NUBPL: variants seen among roughly 807,000 people sequenced by gnomAD.
The protein encoded by NUBPL is iron-sulfur cluster transfer protein NUBPL.
Under a neutral mutation model 45.7 loss-of-function variants are expected in NUBPL, and 31 were observed. The ratio of observed to expected loss-of-function variants is 0.68; its 90% confidence interval spans 0.51 to 0.92. The LOEUF (loss-of-function observed/expected upper bound fraction) is 0.92. Among genes scored for constraint, NUBPL ranks in the 40% least tolerant of loss-of-function variants. NUBPL has a pLI of 0.00. For synonymous variants in NUBPL, 144 were observed against 140.9 expected, an observed-to-expected ratio of 1.02 and a Z score of -0.15; for missense variants, 401 against 398.7, an observed-to-expected ratio of 1.01 and a Z score of -0.05.
At chr14:31,622,803 G>T (rs2035100801) in intron 4 of NUBPL, among the ~76,000 whole-genome samples, 1 of 152,256 alleles carries the variant, frequency 6.6e-6, no homozygotes, top group Non-Finnish European at 1.5e-5. Flanking sequence ...TGCAGGGGCA[G>T]AGCCCCCATG....
rs992848340 is a variant in NUBPL, at chr14:31,860,663, A to G, written c.*1483A>G. ...ATTAGGCATAGAGTTTCACATTATT[A>G]TAAGCATGTTTTCACACAAAAACAT... On this transcript the variant is annotated 3_prime_UTR_variant, in exon 11 of 11. Coordinates refer to ENST00000281081, the MANE Select transcript of NUBPL (RefSeq NM_025152.3). 2 of 152,182 alleles carry G rather than the reference A, an allele frequency of 1.3e-5. No individual in the cohort carries two copies. Among genetic ancestry groups the G allele is most frequent in the African/African-American group, 4.8e-5 (2 of 41,432 alleles). 9.4% of individuals were successfully genotyped at this position (152,182 alleles called of 1,614,324 possible).
chr14:31,792,455 T>C (rs938777876), intron 7 of NUBPL, among the ~76,000 whole-genome samples: 3 of 144,096 alleles, frequency 2.1e-5, no homozygotes, highest in African/African-American at 7.8e-5. Context: ...AAGTGATTCT[T>C]GAAGAGACCA....
At chr14:31,695,889 T>C (rs573902861) in intron 6 of NUBPL, among the ~76,000 whole-genome samples, 2 of 152,374 alleles carry the variant, frequency 1.3e-5, no homozygotes, top group East Asian at 3.9e-4. Flanking sequence ...GTCACTGTTA[T>C]TACTTCACTA....
chr14:31,641,258 T>C (rs2035689309), intron 4 of NUBPL, among the ~76,000 whole-genome samples: 1 of 152,308 alleles, frequency 6.6e-6, no homozygotes, highest in South Asian at 2.1e-4. Flanking sequence ...CCAATCTTAT[T>C]TCTTTTATAT....
intron 7 of NUBPL, among the ~76,000 whole-genome samples, chr14:31,793,822 A>G (rs1034990951): frequency 2.6e-5 from 2 of 78,324 alleles, no homozygotes; most frequent in Non-Finnish European, 5.5e-5. Flanking sequence ...GTGCCCCCTT[A>G]TCTTTCTTTT....
At chr14:31,601,082 C>T (rs2139563247) in intron 4 of NUBPL, among the ~76,000 whole-genome samples, 1 of 152,254 alleles carries the variant, frequency 6.6e-6, no homozygotes, top group South Asian at 2.1e-4. Flanking sequence ...GGCGTTATTT[C>T]TGAGGGCTCT....
intron 6 of NUBPL, among the ~76,000 whole-genome samples, chr14:31,675,807 A>G (rs1179362602): frequency 1.3e-5 from 2 of 152,194 alleles, no homozygotes; most frequent in Admixed American, 6.5e-5. Context: ...AATGAGATGC[A>G]TAGATTTTCA....
At chr14:31,665,216 A>G (rs928803676) in intron 4 of NUBPL, among the ~76,000 whole-genome samples, 9 of 151,008 alleles carry the variant, frequency 6.0e-5, no homozygotes, top group Non-Finnish European at 4.4e-5. Flanking sequence ...TTTCGTGTCT[A>G]TCTCTTTCAG....
intron 4 of NUBPL, among the ~76,000 whole-genome samples, chr14:31,672,273 ATGTGTGTGTGTG>A (rs3035682): frequency 5.4e-5 from 8 of 148,214 alleles, no homozygotes; most frequent in East Asian, 2.0e-4. Context: ...CTGATTAGAT[ATGTGTGTGTGTG>A]TGTGTGTGTG....
intron 7 of NUBPL, among the ~76,000 whole-genome samples, chr14:31,815,362 T>A (rs56001625): frequency 0.35 from 53,564 of 151,982 alleles, 10,147 homozygotes; most frequent in South Asian, 0.44. Context: ...ATAGGCATGC[T>A]TGTGATTTTT....
intron 6 of NUBPL, among the ~76,000 whole-genome samples, chr14:31,745,117 A>G (rs1183171372): frequency 2.6e-5 from 4 of 151,776 alleles, no homozygotes; most frequent in African/African-American, 9.7e-5. Flanking sequence ...TTTGTTACAT[A>G]TGTATACATG....
At chr14:31,696,877 A>T (rs2139879990) in intron 6 of NUBPL, among the ~76,000 whole-genome samples, 1 of 152,354 alleles carries the variant, frequency 6.6e-6, no homozygotes, top group South Asian at 2.1e-4. Flanking sequence ...CTGGCTTCTA[A>T]CTAAAGAAGT....
At chr14:31,610,714 A>G (rs945704030) in intron 4 of NUBPL, among the ~76,000 whole-genome samples, 3 of 152,074 alleles carry the variant, frequency 2.0e-5, no homozygotes. Context: ...ATTCAGTAAT[A>G]CATTAGACCA....
chr14:31,654,108 C>A (rs937709777), intron 4 of NUBPL: 1 of 454,356 alleles, frequency 2.2e-6, no homozygotes, highest in African/African-American at 2.0e-5. Context: ...TTCCAGACCA[C>A]CACAATAAAG....
chr14:31,607,003 TC>T (rs1239047852), intron 4 of NUBPL, among the ~76,000 whole-genome samples: 1 of 152,178 alleles, frequency 6.6e-6, no homozygotes, highest in Non-Finnish European at 1.5e-5. Context: ...AAAGGGGCAA[TC>T]ATTACAGAAC....
At chr14:31,689,459 CAT>C (rs1197210617) in intron 6 of NUBPL, among the ~76,000 whole-genome samples, 6 of 152,112 alleles carry the variant, frequency 3.9e-5, no homozygotes, top group African/African-American at 1.4e-4. Context: ...GTTGGCTACA[CAT>C]ATGTCTTCTT....
chr14:31,577,583 T>C (rs944328545), intron 3 of NUBPL, among the ~76,000 whole-genome samples: 1 of 152,152 alleles, frequency 6.6e-6, no homozygotes, highest in Non-Finnish European at 1.5e-5. Context: ...CCAGCTAATT[T>C]TCGTATTTTT....
At chr14:31,651,898 C>CAAAAAAA (rs528694961) in intron 4 of NUBPL, among the ~76,000 whole-genome samples, 1 of 91,406 alleles carries the variant, frequency 1.1e-5, no homozygotes, top group Admixed American at 1.3e-4. Context: ...GACTCTGTCT[C>CAAAAAAA]AAAAAAAAAA....
At chr14:31,782,765 G>A (rs985712845) in intron 6 of NUBPL, among the ~76,000 whole-genome samples, 2 of 151,114 alleles carry the variant, frequency 1.3e-5, no homozygotes, top group Non-Finnish European at 3.0e-5. Context: ...CAGCCTGGGC[G>A]ACAGAGTGAG....
Sources: gnomAD v4.1 joint callset for allele counts (sites outside exome capture counted in the v4.1 genomes callset) on GRCh38, gnomAD v4.1.1 for gene constraint, MANE v1.5 for transcripts, NCBI Gene and HGNC (gene_info 2026-07-23, HGNC 2026-07-21) for gene names.